Variants in PTN observed in about 807,000 individuals in gnomAD.
PTN encodes the protein heparin affin regulatory protein.
PTN carries 18 observed loss-of-function variants against 24.1 expected under a neutral mutation model. That is an observed-to-expected ratio of 0.75 (90% CI 0.52 to 1.11). The LOEUF is 1.11. Ranked by LOEUF, PTN falls within the 50% of genes least tolerant of loss-of-function variation. The pLI is 0.00. For missense variants in PTN, 163 were observed against 198.8 expected (o/e 0.82, Z 1.08); for synonymous variants, 78 against 68.6 (o/e 1.14, Z -0.67).
chr7:137,239,374 T>TTTTATTTA (rs60204827), intron 4 of PTN, among the ~76,000 whole-genome samples: 6,459 of 147,772 alleles, frequency 0.044, 295 homozygotes, highest in African/African-American at 0.12. Context: ...TAATTTTCTT[T>TTTTATTTA]TTTATTTATT....
chr7:137,247,640 T>G (rs886174793), intron 4 of PTN, among the ~76,000 whole-genome samples: 3 of 152,166 alleles, frequency 2.0e-5, no homozygotes, highest in African/African-American at 7.2e-5. Context: ...TATTTTAAAA[T>G]AACGCAAAGA....
intron 1 of PTN, among the ~76,000 whole-genome samples, chr7:137,307,920 G>A (rs1809916153): frequency 6.6e-6 from 1 of 152,150 alleles, no homozygotes. Context: ...TGCCATGAGT[G>A]AGAGGGAAAG....
chr7:137,266,761 C>A (rs1424250143), intron 1 of PTN, among the ~76,000 whole-genome samples: 2 of 150,468 alleles, frequency 1.3e-5, no homozygotes, highest in African/African-American at 4.9e-5. Flanking sequence ...TAACTTTTAG[C>A]AAATTTTACT....
intron 1 of PTN, among the ~76,000 whole-genome samples, chr7:137,273,098 T>A (rs1470512572): frequency 1.3e-5 from 2 of 152,240 alleles, no homozygotes; most frequent in Non-Finnish European, 2.9e-5. Flanking sequence ...CTTCCTTCAG[T>A]AATCAATACA....
chr7:137,337,826 G>C (rs187212800), intron 1 of PTN, among the ~76,000 whole-genome samples: 2 of 152,306 alleles, frequency 1.3e-5, no homozygotes, highest in East Asian at 3.9e-4. Flanking sequence ...GGTAAGGCAA[G>C]GGGATTAGGC....
intron 1 of PTN, among the ~76,000 whole-genome samples, chr7:137,268,138 A>G (rs554413775): frequency 6.6e-6 from 1 of 152,184 alleles, no homozygotes; most frequent in South Asian, 2.1e-4. Context: ...GTGTTCAGCC[A>G]CTGCGTTGAT....
rs191151818 is a variant in PTN, at chr7:137,336,804, G to C, written c.-2+6635C>G. On this transcript the variant is annotated intron_variant, in intron 1 of 4. Coordinates refer to ENST00000348225, the MANE Select transcript of PTN (RefSeq NM_002825.7). ...CCATGATCATCATTTTCACCATCCT[G>C]CTCAAACACTCCCAGCAATCAGACT... Among the ~76,000 whole-genome samples the C allele has an allele frequency of 1.6e-3, 247 of 152,254 alleles. 1 individual carries two copies. The highest frequency in any genetic ancestry group is 5.9e-3 in the African/African-American group (244 of 41,566).
chr7:137,343,090 A>G (rs1249898657), intron 1 of PTN, among the ~76,000 whole-genome samples: 1 of 152,122 alleles, frequency 6.6e-6, no homozygotes, highest in African/African-American at 2.4e-5. Context: ...AGACACACCT[A>G]CTAAAGCTCC....
rs572586855 is a variant in PTN, at chr7:137,342,313, A to C, written c.-2+1126T>G. 5.9e-4 allele frequency among the ~76,000 whole-genome samples: 90 copies of C among 152,256 alleles called. 1 individual carries two copies. The highest frequency in any genetic ancestry group is 2.0e-3 in the African/African-American group (83 of 41,544). On this transcript the variant is annotated intron_variant, in intron 1 of 4. Coordinates refer to ENST00000348225, the MANE Select transcript of PTN (RefSeq NM_002825.7). ...CACACACACGCACATGCACACGCAC[A>C]CACACACATCACCCCTTTCTCAAGC...
At chr7:137,234,271 T>C (rs1438611361) in intron 4 of PTN, among the ~76,000 whole-genome samples, 2 of 151,842 alleles carry the variant, frequency 1.3e-5, no homozygotes, top group Non-Finnish European at 2.9e-5. Context: ...CTTGTTATTA[T>C]AAATAATGAT....
chr7:137,256,304 G>T (rs1808923706), intron 1 of PTN, among the ~76,000 whole-genome samples: 1 of 152,144 alleles, frequency 6.6e-6, no homozygotes, highest in Non-Finnish European at 1.5e-5. Context: ...GGTCCTCTAA[G>T]TTCCCTCCCC....
At chr7:137,282,040 A>C (rs1255320526) in intron 1 of PTN, among the ~76,000 whole-genome samples, 1 of 152,244 alleles carries the variant, frequency 6.6e-6, no homozygotes, top group African/African-American at 2.4e-5. Context: ...AAAATTAAAC[A>C]GTAAGGTCAA....
At position 137,227,989 on chromosome 7, in the gene PTN, T is replaced by C. The variant is rs755151124; in HGVS notation, c.*31A>G. Reference sequence around the variant, plus strand: ...ATAGTTAACTGATCCTGTTTGCTGATGTCCTTTTTATGTTCCACAGGTGAC... The same window carrying C: ...ATAGTTAACTGATCCTGTTTGCTGACGTCCTTTTTATGTTCCACAGGTGAC... On this transcript the variant is annotated 3_prime_UTR_variant, in exon 5 of 5. Coordinates refer to ENST00000348225, the MANE Select transcript of PTN (RefSeq NM_002825.7). 2.5e-6 allele frequency: 4 copies of C among 1,602,672 alleles called. No homozygotes were observed. Among genetic ancestry groups the C allele is most frequent in the Non-Finnish European group, 3.4e-6 (4 of 1,175,538 alleles).
chr7:137,295,584 G>A (rs1302303033), intron 1 of PTN, among the ~76,000 whole-genome samples: 1 of 151,970 alleles, frequency 6.6e-6, no homozygotes, highest in Non-Finnish European at 1.5e-5. Context: ...TGAAAAAAAT[G>A]AATATAAAGT....
Position 137,289,367 on chromosome 7 carries a change from G to T in PTN, c.-1-34393C>A, listed in dbSNP as rs573226823. 5.0e-4 allele frequency among the ~76,000 whole-genome samples: 76 copies of T among 152,130 alleles called. 1 individual carries two copies. The Middle Eastern group carries it at 0.037, about 75-fold the overall frequency. ...CATTGGAAGAGAACTTTGGCTTTCA[G>T]GTGTGTGTTAGGCAGAATTAAAAGA... On this transcript the variant is annotated intron_variant, in intron 1 of 4. Coordinates refer to ENST00000348225, the MANE Select transcript of PTN (RefSeq NM_002825.7).
intron 4 of PTN, among the ~76,000 whole-genome samples, chr7:137,236,453 A>T (rs541727497): frequency 6.6e-6 from 1 of 152,210 alleles, no homozygotes; most frequent in African/African-American, 2.4e-5. Context: ...CATGTATACC[A>T]TCCTTATTTG....
At chr7:137,288,265 C>T (rs934010361) in intron 1 of PTN, among the ~76,000 whole-genome samples, 6 of 152,024 alleles carry the variant, frequency 3.9e-5, no homozygotes, top group African/African-American at 1.4e-4. Flanking sequence ...GACATATTGG[C>T]GTTCAGAAAT....
chr7:137,240,003 G>C (rs1021138297), intron 4 of PTN, among the ~76,000 whole-genome samples: 1 of 151,988 alleles, frequency 6.6e-6, no homozygotes, highest in Non-Finnish European at 1.5e-5. Context: ...TGCTTGTTTC[G>C]TTTAGAACAC....
intron 1 of PTN, among the ~76,000 whole-genome samples, chr7:137,328,105 T>G (rs1489826092): frequency 2.0e-5 from 3 of 152,314 alleles, no homozygotes. Flanking sequence ...AGCTGTAGAA[T>G]TACAGTTACA....
Sources: allele counts gnomAD v4.1 joint callset (sites outside exome capture counted in the v4.1 genomes callset), GRCh38; gene constraint gnomAD v4.1.1; transcripts MANE v1.5; gene names NCBI Gene and HGNC (gene_info 2026-07-23, HGNC 2026-07-21).